Variants in ZKSCAN4 observed in about 807,000 individuals in gnomAD.
ZKSCAN4 encodes the protein zinc finger with KRAB and SCAN domains 4.
A neutral mutation model predicts 30.8 loss-of-function variants in ZKSCAN4; 23 were observed. The ratio of observed to expected loss-of-function variants is 0.75; its 90% CI spans 0.54 to 1.06. ZKSCAN4 has a LOEUF of 1.06. ZKSCAN4 is among the 50% of genes least tolerant of loss of function. The pLI is 0.00. For synonymous variants in ZKSCAN4, 208 were observed against 252.5 expected (o/e 0.82, Z 1.67); for missense variants, 556 against 665.4 (o/e 0.84, Z 1.81).
rs1472419661 is a variant in ZKSCAN4, at chr6:28,245,832, G to T, written c.922C>A (p.Gln308Lys). The T allele has an allele frequency of 6.2e-7, 1 of 1,614,140 alleles. No individual in the cohort carries two copies. The highest frequency in any genetic ancestry group is 8.5e-7 in the Non-Finnish European group (1 of 1,180,028). ...CCTATGGCATTTTTCTGCTTTCTTT[G>T]TAACCTGCCCTCCTGTTCACCAGCT... ...AEAGEQEGRL[Q>K]RKQKNAIGSR... The change falls in exon 5 of 5, where the codon CAA becomes AAA. Residue 308 changes from glutamine (Q) to lysine (K), a missense_variant. Physicochemically the swap from Gln to Lys is moderately conservative, Grantham distance 53. Around this residue, in one of 3 missense-constraint regions of ZKSCAN4, gnomAD observed 433 missense variants for 511.5 expected, o/e 0.85. Transcript: ENST00000377294.
chr6:28,245,970 C>T lies in ZKSCAN4; in HGVS notation c.784G>A (p.Glu262Lys). 6.2e-7 allele frequency: 1 copy of T among 1,614,172 alleles called. No homozygotes were observed. The highest frequency in any genetic ancestry group is 8.5e-7 in the Non-Finnish European group (1 of 1,180,012). Residue 262 changes from glutamate to lysine, a missense_variant, in exon 5 of 5, where the codon GAA (glutamate) becomes AAA (lysine). Glu to Lys is a moderately conservative substitution (Grantham distance 56). Transcript: ENST00000377294. ...NHSSLVSLGG[E>K]IQTKSRDLPP... ...AAGTCCCTGCTCTTAGTCTGTATTT[C>T]ACCACCTGAAACAACAAATGGCCGG...
chr6:28,247,163 C>T, intron 3 of ZKSCAN4, 71 bp from the exon 4 acceptor site: 1 of 1,467,290 alleles, frequency 6.8e-7, no homozygotes, highest in Middle Eastern at 1.8e-4. Flanking sequence ...ATGAACATCC[C>T]CTTTAAAGAG....
Position 28,251,433 on chromosome 6 carries a change from A to G in ZKSCAN4, c.423+125T>C. On this transcript the variant is annotated intron_variant, in intron 1 of 4. Transcript: ENST00000377294. The surrounding 1 kb of genome is among the most constrained non-coding windows in gnomAD (Gnocchi z 4.5). ...GTCCAGGGACTTCACCTTACTGCCAAGGAGGTTCACAGTACAAAAAGAGAT... is the reference window on the plus strand; with the variant it reads ...GTCCAGGGACTTCACCTTACTGCCAGGGAGGTTCACAGTACAAAAAGAGAT... 3 of 1,520,246 alleles carry G rather than the reference A, an allele frequency of 2.0e-6. No individual in the cohort carries two copies. Among genetic ancestry groups the G allele is most frequent in the Non-Finnish European group, 2.7e-6 (3 of 1,113,228 alleles). The allele number at this position is 1,520,246 out of a possible 1,614,324, so 94.2% of individuals were successfully genotyped here. A position where few individuals can be genotyped will look rare whatever the true frequency, so the allele number is the denominator to read the frequency against.
chr6:28,248,929 T>C (rs1276525634), intron 2 of ZKSCAN4, among the ~76,000 whole-genome samples: 2 of 151,432 alleles, frequency 1.3e-5, no homozygotes, highest in Admixed American at 6.6e-5. Context: ...ACTGCTTAAA[T>C]AGAACTTGCT....
intron 4 of ZKSCAN4, 155 bp from the exon 5 acceptor site, chr6:28,246,130 C>T: frequency 9.5e-7 from 1 of 1,050,376 alleles, no homozygotes; most frequent in Non-Finnish European, 1.4e-6. Context: ...AAAGGGAGAA[C>T]AGGGGTGCTG....
chr6:28,252,635 T>C (rs1561863826), upstream of ZKSCAN4, among the ~76,000 whole-genome samples: 1 of 151,920 alleles, frequency 6.6e-6, no homozygotes, highest in South Asian at 2.1e-4. Flanking sequence ...GCAGAACACA[T>C]CACCAGGCAC....
At position 28,245,491 on chromosome 6, in the gene ZKSCAN4, T is replaced by G. The variant is rs1163539649; in HGVS notation, c.1263A>C (p.Glu421Asp). 2 of 1,614,080 alleles carry G rather than the reference T, an allele frequency of 1.2e-6. No individual in the cohort carries two copies. The highest frequency in any genetic ancestry group is 1.7e-6 in the Non-Finnish European group (2 of 1,180,044). The stretch of plus-strand genomic sequence containing the variant: ...TCTCCCCAGTATGAATTTTGTGATG[T>G]TCAAGGAGGCTGCAGCTCTGGCTGA... ...KTFSQSCSLLEHHKIHTGEKP... is the reference protein window; with the variant it reads ...KTFSQSCSLLDHHKIHTGEKP... The change falls in exon 5 of 5, where the codon GAA (glutamate) becomes GAC (aspartate). Residue 421 changes from glutamate (E) to aspartate (D), a missense_variant. Transcript: ENST00000377294.
chr6:28,248,217 AGTTC>A, intron 2 of ZKSCAN4, 68 bp from the exon 3 acceptor site: 2 of 1,272,054 alleles, frequency 1.6e-6, no homozygotes, highest in Admixed American at 2.2e-5. Context: ...GCAAAATCCA[AGTTC>A]AAAAACTGGG....
rs1239857247 is a variant in ZKSCAN4, at chr6:28,242,960, A to G, written c.*2156T>C. On this transcript the variant is annotated 3_prime_UTR_variant, in exon 5 of 5. Coordinates refer to ENST00000377294, the MANE Select transcript of ZKSCAN4 (RefSeq NM_019110.5). ...TTGTATAATGCTTTCTGGTTTGTAAAAGGCTTTCACATATATCTCTTCATG... is the reference window on the plus strand; with the variant it reads ...TTGTATAATGCTTTCTGGTTTGTAAGAGGCTTTCACATATATCTCTTCATG... Among the ~76,000 whole-genome samples the G allele has an allele frequency of 6.6e-6, 1 of 152,232 alleles. No individual in the cohort carries two copies. The highest frequency in any genetic ancestry group is 1.5e-5 in the Non-Finnish European group (1 of 68,040).
rs1581590724 is a variant in ZKSCAN4, at chr6:28,252,177, C to T, written c.-197G>A. 1 of 459,730 alleles carries T rather than the reference C, an allele frequency of 2.2e-6. No homozygotes were observed. The highest frequency in any genetic ancestry group is 3.8e-6 in the Non-Finnish European group (1 of 265,554). The allele number at this position is 459,730 out of a possible 1,614,324, so 28.5% of individuals were successfully genotyped here. A position where few individuals can be genotyped will look rare whatever the true frequency, so the allele number is the denominator to read the frequency against. On this transcript the variant is annotated 5_prime_UTR_variant, in exon 1 of 5. Coordinates refer to ENST00000377294, the MANE Select transcript of ZKSCAN4 (RefSeq NM_019110.5). ...CGTGCCTTTGCAGGGTCGTCCTCTG[C>T]ACCCCACTCTGAATCCCACAGTAAG...
At chr6:28,248,250 T>C in intron 2 of ZKSCAN4, 101 bp from the exon 3 acceptor site, 1 of 809,092 alleles carries the variant, frequency 1.2e-6, no homozygotes, top group Non-Finnish European at 2.0e-6. Context: ...TTCTTGCCAA[T>C]AAGTTTATAC....
intron 4 of ZKSCAN4, 29 bp from the exon 5 acceptor site, chr6:28,246,004 G>A (rs1459824859): frequency 6.2e-7 from 1 of 1,613,984 alleles, no homozygotes; most frequent in Non-Finnish European, 8.5e-7. Flanking sequence ...GGCAACTGTG[G>A]GTTATGCCCT....
Position 28,248,213 on chromosome 6 carries a change from T to C in ZKSCAN4, c.572-64A>G, listed in dbSNP as rs1293448433. 3.8e-6 allele frequency: 5 copies of C among 1,318,720 alleles called. No individual in the cohort carries two copies. The African/African-American group carries it at 7.3e-5, about 19-fold the overall frequency. 81.7% of individuals were successfully genotyped at this position (1,318,720 alleles called of 1,614,324 possible). ...TATTCAGCCTCCCCACCTTGCAAAA[T>C]CCAAGTTCAAAAACTGGGGCAGTAA... On this transcript the variant is annotated intron_variant, in intron 2 of 4. Transcript: ENST00000377294.
intron 2 of ZKSCAN4, among the ~76,000 whole-genome samples, chr6:28,248,852 GA>G (rs1331846698): frequency 7.0e-6 from 1 of 143,544 alleles, no homozygotes; most frequent in African/African-American, 2.6e-5. Context: ...AAAGAAAAAA[GA>G]AAAAGAAAAA....
At position 28,245,962 on chromosome 6, in the gene ZKSCAN4, C is replaced by G. The variant is rs745961045; in HGVS notation, c.792G>C (p.Gln264His). 8 of 1,614,070 alleles carry G rather than the reference C, an allele frequency of 5.0e-6. No homozygotes were observed. The change falls in exon 5 of 5, where the codon CAG (glutamine) becomes CAC (histidine). Residue 264 changes from glutamine (Q) to histidine (H), a missense_variant. This residue lies in a region of ZKSCAN4 where 433 missense variants were observed against 511.5 expected (regional missense o/e 0.85). Coordinates refer to ENST00000377294, the MANE Select transcript of ZKSCAN4 (RefSeq NM_019110.5). The stretch of plus-strand genomic sequence containing the variant: ...CTGGAGGCAAGTCCCTGCTCTTAGT[C>G]TGTATTTCACCACCTGAAACAACAA... ...SSLVSLGGEIQTKSRDLPPVK... is the reference protein window; with the variant it reads ...SSLVSLGGEIHTKSRDLPPVK...
At position 28,245,399 on chromosome 6, in the gene ZKSCAN4, C is replaced by T; in HGVS notation, c.1355G>A (p.Arg452Lys). Residue 452 changes from arginine to lysine, a missense_variant, in exon 5 of 5, where the codon AGG (arginine) becomes AAG (lysine). By Grantham distance (26) the Arg-to-Lys change is conservative. Coordinates refer to ENST00000377294, the MANE Select transcript of ZKSCAN4 (RefSeq NM_019110.5). ...CTGAACATTTTTATCACCATGAATC[C>T]TCTGATGTCTCAGGAGATGTGAATT... Reference protein sequence around the residue: ...RRNSHLLRHQRIHGDKNVQNP... With the variant: ...RRNSHLLRHQKIHGDKNVQNP... 2 of 1,614,240 alleles carry T rather than the reference C, an allele frequency of 1.2e-6. No homozygotes were observed. Among genetic ancestry groups the T allele is most frequent in the Non-Finnish European group, 1.7e-6 (2 of 1,180,044 alleles).
At chr6:28,259,027 G>T in the ZKSCAN4 span, among the ~76,000 whole-genome samples, 2 of 152,212 alleles carry the variant, frequency 1.3e-5, no homozygotes, top group Non-Finnish European at 2.9e-5. Flanking sequence ...AGAACAAAGG[G>T]TGAGAAGCAA....
At chr6:28,259,184 TCCCA>T in the ZKSCAN4 span, 1 of 545,840 alleles carries the variant, frequency 1.8e-6, no homozygotes, top group Non-Finnish European at 3.2e-6. Flanking sequence ...CCTACCTACT[TCCCA>T]CAAGAAGCCT....
chr6:28,242,753 G>A lies in ZKSCAN4; in HGVS notation c.*2363C>T, dbSNP rs893143384. ...GTACTAAAGACCTAAGCCTAAGTGT[G>A]TATACACACACACACACACACACAC... On this transcript the variant is annotated 3_prime_UTR_variant, in exon 5 of 5. Transcript: ENST00000377294. 3.5e-5 allele frequency among the ~76,000 whole-genome samples: 5 copies of A among 143,934 alleles called. No individual in the cohort carries two copies. Among genetic ancestry groups the A allele is most frequent in the East Asian group, 4.1e-4 (2 of 4,930 alleles). 94.4% of individuals were successfully genotyped at this position (143,934 alleles called of 152,430 possible).
Sources: gnomAD v4.1 joint callset for allele counts (sites outside exome capture counted in the v4.1 genomes callset) on GRCh38, gnomAD v4.1.1 for gene constraint, gnomAD v4.1.1 regional missense constraint, Gnocchi (gnomAD v3.1) non-coding constraint, MANE v1.5 for transcripts, NCBI Gene and HGNC (gene_info 2026-07-23, HGNC 2026-07-21) for gene names.